The following SCN1A variants were observed in gnomAD, a reference collection of about 807,000 sequenced individuals.
The protein encoded by SCN1A is sodium voltage-gated channel alpha subunit 1.
A neutral mutation model predicts 193.7 loss-of-function variants in SCN1A; 13 were observed. The ratio of observed to expected loss-of-function variants is 0.07; its 90% confidence interval spans 0.04 to 0.11. The LOEUF (loss-of-function observed/expected upper bound fraction) is 0.11, where lower values mean the gene tolerates loss of function less well. Among genes scored for constraint, SCN1A ranks in the 10% least tolerant of loss-of-function variants. The probability of loss-of-function intolerance (pLI) is 1.00; values close to 1 mark genes in which losing one functional copy is unlikely to be tolerated. For synonymous variants in SCN1A, 781 were observed against 843.6 expected (o/e 0.93, Z 1.29); for missense variants, 1,432 against 2,451.1 (o/e 0.58, Z 8.78).
At chr2:166,131,313 T>C (rs1040392562), upstream of SCN1A, among the ~76,000 whole-genome samples, 1 of 152,096 alleles carries the variant, frequency 6.6e-6, no homozygotes, top group Non-Finnish European at 1.5e-5. Context: ...GGCTGTGGCT[T>C]TTTTATGAGA....
At chr2:166,107,110 G>C (rs1688778352) in intron 2 of SCN1A, among the ~76,000 whole-genome samples, 1 of 151,964 alleles carries the variant, frequency 6.6e-6, no homozygotes, top group African/African-American at 2.4e-5. Context: ...GACCAACATG[G>C]AACCAAATTT....
At chr2:166,085,804 A>G (rs999444765) in intron 2 of SCN1A, among the ~76,000 whole-genome samples, 6 of 152,156 alleles carry the variant, frequency 3.9e-5, no homozygotes, top group Non-Finnish European at 1.5e-5. Flanking sequence ...TTCTGTATAT[A>G]TAAAATCTAG....
At chr2:166,072,547 G>T (rs1256533372) in intron 4 of SCN1A, among the ~76,000 whole-genome samples, 2 of 152,044 alleles carry the variant, frequency 1.3e-5, no homozygotes, top group Non-Finnish European at 2.9e-5. Context: ...TATTTTACAG[G>T]TAACAAAATT....
intron 1 of SCN1A, among the ~76,000 whole-genome samples, chr2:166,145,142 ATTTTTTTTTT>A (rs10527781): frequency 7.8e-6 from 1 of 129,026 alleles, no homozygotes; most frequent in Non-Finnish European, 1.7e-5. Context: ...GGCCTAAGTA[ATTTTTTTTTT>A]TTTTTTTTTT....
intron 2 of SCN1A, among the ~76,000 whole-genome samples, chr2:166,115,383 A>C (rs1301307411): frequency 6.6e-6 from 1 of 152,190 alleles, no homozygotes; most frequent in Admixed American, 6.5e-5. Context: ...ACAAAAAAGA[A>C]TACCTCAAAA....
chr2:166,027,418 C>T (rs1393356637), intron 19 of SCN1A, among the ~76,000 whole-genome samples: 1 of 151,964 alleles, frequency 6.6e-6, no homozygotes, highest in Non-Finnish European at 1.5e-5. Context: ...CTTGATCCTA[C>T]AATGTTTATA....
chr2:166,015,881 A>G (rs911557094), intron 19 of SCN1A, 154 bp from the exon 20 acceptor site: 5 of 777,146 alleles, frequency 6.4e-6, no homozygotes, highest in Non-Finnish European at 8.3e-6. Flanking sequence ...GGAAGAAATA[A>G]GAAAATCATT....
chr2:166,005,508 T>G (rs1691535809), intron 23 of SCN1A, among the ~76,000 whole-genome samples: 1 of 151,400 alleles, frequency 6.6e-6, no homozygotes, highest in African/African-American at 2.4e-5. Context: ...ATTTGCAAAG[T>G]TGGCATACAT....
At chr2:166,145,602 G>A (rs961596430) in intron 1 of SCN1A, among the ~76,000 whole-genome samples, 10 of 152,106 alleles carry the variant, frequency 6.6e-5, no homozygotes, top group African/African-American at 1.2e-4. Context: ...ATATCAGGTC[G>A]AGAAAATGTC....
In SCN1A at chr2:165,987,081, T is replaced by C. The variant is rs1204294926; in HGVS notation, c.*4164A>G. On this transcript the variant is annotated 3_prime_UTR_variant, in exon 29 of 29. Transcript: ENST00000674923. ...TAGTTGTCATAGTTCTTTGACCTCA[T>C]GGAATTCTTTAGCCTTTCTTTGTCT... The C allele has an allele frequency of 1.3e-5, 2 of 152,168 alleles. No homozygotes were observed. The highest frequency in any genetic ancestry group is 2.9e-5 in the Non-Finnish European group (2 of 68,010). 9.4% of individuals were successfully genotyped at this position (152,168 alleles called of 1,614,324 possible). A position where few individuals can be genotyped will look rare whatever the true frequency, so the allele number is the denominator to read the frequency against.
At chr2:166,044,749 A>G (rs1697593744) in intron 13 of SCN1A, among the ~76,000 whole-genome samples, 1 of 151,960 alleles carries the variant, frequency 6.6e-6, no homozygotes, top group Non-Finnish European at 1.5e-5. Context: ...AGTGCTGAGG[A>G]TCAAAAAGAT....
At chr2:166,044,081 C>A in intron 13 of SCN1A, 32 bp from the exon 14 acceptor site, 2 of 1,612,072 alleles carry the variant, frequency 1.2e-6, no homozygotes, top group South Asian at 2.2e-5. Flanking sequence ...CAAATAAAGT[C>A]ATATTAATAT....
rs1402464838 is a variant in SCN1A, at chr2:166,052,001, A to C, written c.695-13T>G. 6.2e-7 allele frequency: 1 copy of C among 1,607,836 alleles called. No homozygotes were observed. Among genetic ancestry groups the C allele is most frequent in the Non-Finnish European group, 8.5e-7 (1 of 1,176,522 alleles). Reference sequence around the variant, plus strand: ...ATGGTTTTCAGGCCTGAAAGAAAGAAGTCTATTACTATGAAGACTTAACAC... The same window carrying C: ...ATGGTTTTCAGGCCTGAAAGAAAGACGTCTATTACTATGAAGACTTAACAC... On this transcript the variant is annotated splice_polypyrimidine_tract_variant and intron_variant, in intron 8 of 28. Coordinates refer to ENST00000674923, the MANE Select transcript of SCN1A (RefSeq NM_001165963.4).
intron 2 of SCN1A, chr2:166,126,344 T>C (rs1027757582): frequency 6.6e-6 from 1 of 151,898 alleles, no homozygotes; most frequent in South Asian, 2.1e-4. Context: ...AAAGAGAGTT[T>C]TAAAAGAGTT....
intron 13 of SCN1A, 62 bp downstream of exon 13, chr2:166,044,981 C>G: frequency 6.2e-5 from 91 of 1,464,454 alleles, no homozygotes; most frequent in Non-Finnish European, 7.6e-5. Flanking sequence ...TTTTCTAATT[C>G]TCCCCCTCTC....
intron 9 of SCN1A, among the ~76,000 whole-genome samples, chr2:166,049,797 A>G (rs1698321785): frequency 2.0e-5 from 3 of 152,108 alleles, no homozygotes; most frequent in African/African-American, 7.2e-5. Context: ...TTTATTTACA[A>G]ATATTCCTCC....
intron 2 of SCN1A, among the ~76,000 whole-genome samples, chr2:166,099,319 T>G (rs536068233): frequency 5.5e-4 from 83 of 150,718 alleles, no homozygotes; most frequent in African/African-American, 2.0e-3. Flanking sequence ...CAACCCTTCA[T>G]GCTAAAAACT....
Position 166,072,789 on chromosome 2 carries a change from T to TTTCCTTCCTTCCTTCCTTCC in SCN1A, c.264+549_264+568dup, listed in dbSNP as rs3032639. Reference sequence around the variant, plus strand: ...ATTTGTTAAATTAGCTGCCTCTTTCTTTCCTTCCTTCCTTCCTTCCTTCCT... The same window carrying TTTCCTTCCTTCCTTCCTTCC: ...ATTTGTTAAATTAGCTGCCTCTTTCTTTCCTTCCTTCCTTCCTTCCTTCCTTCCTTCCTTCCTTCCTTCCT... On this transcript the variant is annotated intron_variant, in intron 4 of 28. Coordinates refer to ENST00000674923, the MANE Select transcript of SCN1A (RefSeq NM_001165963.4). Among the ~76,000 whole-genome samples, 173 of 144,546 alleles carry TTTCCTTCCTTCCTTCCTTCC rather than the reference T, an allele frequency of 1.2e-3. 1 individual carries two copies. Among genetic ancestry groups the TTTCCTTCCTTCCTTCCTTCC allele is most frequent in the African/African-American group, 4.3e-3 (164 of 37,964 alleles). 94.8% of individuals were successfully genotyped at this position (144,546 alleles called of 152,430 possible).
chr2:166,089,367 T>C (rs753445978), intron 2 of SCN1A, among the ~76,000 whole-genome samples: 9 of 152,166 alleles, frequency 5.9e-5, no homozygotes, highest in Non-Finnish European at 1.3e-4. Flanking sequence ...AAAAAAATTA[T>C]TTTCCTGCTT....
Sources: allele counts gnomAD v4.1 joint callset (sites outside exome capture counted in the v4.1 genomes callset), GRCh38; gene constraint gnomAD v4.1.1; transcripts MANE v1.5; gene names NCBI Gene and HGNC (gene_info 2026-07-23, HGNC 2026-07-21).